The following ERP44 variants were observed in gnomAD, a reference collection of about 807,000 sequenced individuals.
The protein encoded by ERP44 is endoplasmic reticulum protein 44.
Under a neutral mutation model 53.4 loss-of-function variants are expected in ERP44, and 25 were observed. The ratio of observed to expected loss-of-function variants is 0.47; its 90% confidence interval spans 0.34 to 0.65. ERP44 has a LOEUF of 0.65. ERP44 is among the 30% of genes least tolerant of loss of function. The probability of loss-of-function intolerance (pLI) is 0.01; values close to 1 mark genes in which losing one functional copy is unlikely to be tolerated. For synonymous variants in ERP44, 145 were observed against 161.2 expected (o/e 0.90, Z 0.76); for missense variants, 338 against 493.2 (o/e 0.69, Z 2.98).
At chr9:100,045,636 T>C (rs1825957718) in intron 4 of ERP44, among the ~76,000 whole-genome samples, 1 of 152,304 alleles carries the variant, frequency 6.6e-6, no homozygotes, top group South Asian at 2.1e-4. Flanking sequence ...GAAATAATAC[T>C]GTGACTTTGG....
intron 4 of ERP44, among the ~76,000 whole-genome samples, chr9:100,035,600 G>C (rs566299331): frequency 6.6e-6 from 1 of 152,022 alleles, no homozygotes; most frequent in Non-Finnish European, 1.5e-5. Context: ...GCTTGAACCC[G>C]GTAGGCAGAG....
intron 10 of ERP44, 67 bp downstream of exon 10, chr9:100,006,439 A>C (rs1394236901): frequency 8.5e-7 from 1 of 1,182,464 alleles, no homozygotes; most frequent in Non-Finnish European, 1.2e-6. Context: ...AAATATTCAA[A>C]CAACTATTTT....
Position 100,062,187 on chromosome 9 carries a change from G to A in ERP44, c.58-2015C>T, listed in dbSNP as rs369531955. ...GTCGTATGTCTGTACATCAACCTAT[G>A]AATAAAAATAAAGTTTTTCCCACTT... On this transcript the variant is annotated intron_variant, in intron 1 of 11. Transcript: ENST00000262455. Among the ~76,000 whole-genome samples the A allele has an allele frequency of 7.2e-5, 11 of 152,212 alleles. No homozygotes were observed. The East Asian group carries it at 1.2e-3, about 16-fold the overall frequency.
intron 1 of ERP44, among the ~76,000 whole-genome samples, chr9:100,088,195 A>C (rs1293488779): frequency 5.3e-5 from 8 of 152,246 alleles, no homozygotes; most frequent in Non-Finnish European, 1.2e-4. Flanking sequence ...CAGAATAGAA[A>C]AAGAAAAACA....
intron 4 of ERP44, among the ~76,000 whole-genome samples, chr9:100,039,909 G>C (rs1012057295): frequency 1.3e-5 from 2 of 151,964 alleles, no homozygotes; most frequent in Non-Finnish European, 2.9e-5. Flanking sequence ...CCAATAAATT[G>C]GAAAATCTAG....
At chr9:100,034,468 A>G (rs1825828571) in intron 4 of ERP44, among the ~76,000 whole-genome samples, 1 of 152,194 alleles carries the variant, frequency 6.6e-6, no homozygotes, top group East Asian at 1.9e-4. Context: ...AAGTAACCAT[A>G]AAAATAGCCA....
intron 8 of ERP44, among the ~76,000 whole-genome samples, chr9:100,010,556 T>A (rs938184467): frequency 5.9e-5 from 9 of 152,094 alleles, no homozygotes; most frequent in East Asian, 3.8e-4. Flanking sequence ...CAAATTTTTT[T>A]AAAAATTGTA....
Position 99,980,343 on chromosome 9 carries a change from T to C in ERP44, c.*2269A>G, listed in dbSNP as rs1295045830. 4 of 295,592 alleles carry C rather than the reference T, an allele frequency of 1.4e-5. No homozygotes were observed. The highest frequency in any genetic ancestry group is 2.5e-5 in the Non-Finnish European group (4 of 161,666). The allele number at this position is 295,592 out of a possible 1,614,324, so 18.3% of individuals were successfully genotyped here. A position where few individuals can be genotyped will look rare whatever the true frequency, so the allele number is the denominator to read the frequency against. On this transcript the variant is annotated 3_prime_UTR_variant, in exon 12 of 12. Coordinates refer to ENST00000262455, the MANE Select transcript of ERP44 (RefSeq NM_015051.3). ...AACTTGCACTGAATAAATGTCAGAC[T>C]GAAATCTGCTTCCCTGTGACTTCCT...
At chr9:100,054,327 C>A (rs1467556560) in intron 3 of ERP44, among the ~76,000 whole-genome samples, 1 of 152,100 alleles carries the variant, frequency 6.6e-6, no homozygotes, top group African/African-American at 2.4e-5. Context: ...AGCTGGAGGG[C>A]AAGGGAGGCA....
chr9:100,070,494 G>A (rs543165611), intron 1 of ERP44, among the ~76,000 whole-genome samples: 55 of 152,330 alleles, frequency 3.6e-4, no homozygotes, highest in African/African-American at 1.2e-3. Context: ...GAGATTACTT[G>A]TATGTCAGTA....
In ERP44 at chr9:99,985,185, C is replaced by A; in HGVS notation, c.1017-116G>T. ...CTATAGTCCCACCATCCTACCACAA[C>A]TATTGCAGGCCAGGTATGTGTGAAA... On this transcript the variant is annotated intron_variant, in intron 10 of 11. Transcript: ENST00000262455. 4.6e-6 allele frequency: 3 copies of A among 647,908 alleles called. No homozygotes were observed. The East Asian group carries it at 8.4e-5, about 18-fold the overall frequency. 40.1% of individuals were successfully genotyped at this position (647,908 alleles called of 1,614,324 possible). A position where few individuals can be genotyped will look rare whatever the true frequency, so the allele number is the denominator to read the frequency against.
At chr9:99,989,053 C>T (rs776051198) in intron 10 of ERP44, among the ~76,000 whole-genome samples, 2 of 152,196 alleles carry the variant, frequency 1.3e-5, no homozygotes, top group Non-Finnish European at 2.9e-5. Flanking sequence ...TGGGTGGAGC[C>T]CACCGCAGCT....
Position 99,982,339 on chromosome 9 carries a change from A to C in ERP44, c.*273T>G, listed in dbSNP as rs1830155787. 5.5e-6 allele frequency: 1 copy of C among 180,912 alleles called. No individual in the cohort carries two copies. The allele number at this position is 180,912 out of a possible 1,614,324, so 11.2% of individuals were successfully genotyped here. ...TAAGTTTCTGGCAATGTCACCTTTC[A>C]TTTGATTTATAAAACTTTTACAGGA... On this transcript the variant is annotated 3_prime_UTR_variant, in exon 12 of 12. Coordinates refer to ENST00000262455, the MANE Select transcript of ERP44 (RefSeq NM_015051.3).
chr9:100,065,124 G>A (rs1322771594), intron 1 of ERP44, among the ~76,000 whole-genome samples: 4 of 152,064 alleles, frequency 2.6e-5, no homozygotes, highest in Non-Finnish European at 5.9e-5. Flanking sequence ...GCAACTTCTA[G>A]TCCTGCAAGT....
intron 1 of ERP44, 91 bp from the exon 2 acceptor site, chr9:100,060,263 T>C (rs1389394709): frequency 1.2e-5 from 15 of 1,246,714 alleles, no homozygotes; most frequent in Non-Finnish European, 4.1e-6. Flanking sequence ...GTGATTCCAC[T>C]TGTTCCTTAG....
intron 6 of ERP44, among the ~76,000 whole-genome samples, chr9:100,020,405 C>T (rs1253556693): frequency 6.6e-6 from 1 of 152,016 alleles, no homozygotes; most frequent in East Asian, 1.9e-4. Context: ...TCCCTCTTGC[C>T]CACATTCTGA....
chr9:100,064,055 T>A (rs559340899), intron 1 of ERP44, among the ~76,000 whole-genome samples: 2 of 152,352 alleles, frequency 1.3e-5, no homozygotes, highest in South Asian at 4.1e-4. Context: ...ATTAGATGGT[T>A]ATTAAAAATT....
At chr9:100,063,798 T>G (rs1473811021) in intron 1 of ERP44, among the ~76,000 whole-genome samples, 1 of 152,214 alleles carries the variant, frequency 6.6e-6, no homozygotes, top group African/African-American at 2.4e-5. Flanking sequence ...ATTAGCTCAT[T>G]TTCTTGCCAA....
At chr9:100,055,247 G>A (rs929624618) in intron 3 of ERP44, among the ~76,000 whole-genome samples, 1 of 152,176 alleles carries the variant, frequency 6.6e-6, no homozygotes, top group Non-Finnish European at 1.5e-5. Context: ...CTAGCAGGAT[G>A]ACTAAACAGA....
Sources: gnomAD v4.1 joint callset for allele counts (sites outside exome capture counted in the v4.1 genomes callset) on GRCh38, gnomAD v4.1.1 for gene constraint, MANE v1.5 for transcripts, NCBI Gene and HGNC (gene_info 2026-07-23, HGNC 2026-07-21) for gene names.